Variants in SELENOI observed in about 807,000 individuals in gnomAD.
SELENOI encodes the protein selenoprotein I.
In SELENOI, 24 loss-of-function variants were observed where a neutral mutation model predicts 50.7. That is an observed-to-expected ratio of 0.47 (90% confidence interval 0.34 to 0.67). The LOEUF (loss-of-function observed/expected upper bound fraction) is 0.67, where lower values mean the gene tolerates loss of function less well. SELENOI is among the 30% of genes least tolerant of loss of function. SELENOI has a pLI of 0.01. For missense variants in SELENOI, 352 were observed against 461.4 expected (o/e 0.76, Z 2.17); for synonymous variants, 155 against 170.2 (o/e 0.91, Z 0.70).
intron 7 of SELENOI, 90 bp downstream of exon 7, chr2:26,383,437 C>T (rs1677751947): frequency 1.1e-6 from 1 of 931,500 alleles, no homozygotes. Flanking sequence ...CTTTTGGAGT[C>T]AGGACATTTT....
chr2:26,364,222 T>A (rs1677241593), intron 1 of SELENOI, 80 bp from the exon 2 acceptor site: 1 of 1,076,174 alleles, frequency 9.3e-7, no homozygotes, highest in Admixed American at 2.1e-5. Context: ...GGCTTTACTA[T>A]TATTTTCACC....
chr2:26,347,833 A>C (rs953213034), intron 1 of SELENOI, among the ~76,000 whole-genome samples: 1 of 152,214 alleles, frequency 6.6e-6, no homozygotes, highest in African/African-American at 2.4e-5. Flanking sequence ...TTTTCAACTA[A>C]ATAAGTGTCT....
chr2:26,348,996 C>CTTTTTTTTTTTTTTT (rs869073468), intron 1 of SELENOI, among the ~76,000 whole-genome samples: 1 of 57,722 alleles, frequency 1.7e-5, no homozygotes, highest in Non-Finnish European at 3.6e-5. Flanking sequence ...TTTGGACAGG[C>CTTTTTTTTTTTTTTT]TTTTTTTTTT....
chr2:26,382,250 A>G (rs1473602968), intron 6 of SELENOI, among the ~76,000 whole-genome samples: 1 of 152,230 alleles, frequency 6.6e-6, no homozygotes, highest in Non-Finnish European at 1.5e-5. Context: ...AGAGAGTATA[A>G]GTACGGTGGG....
At chr2:26,385,966 T>C (rs986045319) in intron 8 of SELENOI, among the ~76,000 whole-genome samples, 6 of 152,202 alleles carry the variant, frequency 3.9e-5, no homozygotes, top group Non-Finnish European at 5.9e-5. Context: ...AGATAGCACT[T>C]CTTCATCATT....
chr2:26,370,384 A>G (rs1275007688), intron 4 of SELENOI, among the ~76,000 whole-genome samples: 1 of 151,586 alleles, frequency 6.6e-6, no homozygotes, highest in African/African-American at 2.4e-5. Flanking sequence ...CACACCTCCC[A>G]GACGGGGTGG....
At chr2:26,386,728 A>G (rs894336499) in intron 9 of SELENOI, among the ~76,000 whole-genome samples, 192 bp downstream of exon 9, 13 of 152,200 alleles carry the variant, frequency 8.5e-5, no homozygotes, top group African/African-American at 2.9e-4. Flanking sequence ...TGTTTCTCTA[A>G]TGAGTATGTT....
At position 26,393,623 on chromosome 2, in the gene SELENOI, G is replaced by T. The variant is rs1041521498; in HGVS notation, c.*4520G>T. ...AATCCACTTGGACTGCAGCAGGATT[G>T]TTCTGGTCTTCCACAGACCATTCAC... On this transcript the variant is annotated 3_prime_UTR_variant, in exon 10 of 10. Transcript: ENST00000260585. 1 of 152,220 alleles carries T rather than the reference G, an allele frequency of 6.6e-6. No individual in the cohort carries two copies. Among genetic ancestry groups the T allele is most frequent in the Non-Finnish European group, 1.5e-5 (1 of 68,048 alleles). The allele number at this position is 152,220 out of a possible 1,614,324, so 9.4% of individuals were successfully genotyped here. A position where few individuals can be genotyped will look rare whatever the true frequency, so the allele number is the denominator to read the frequency against.
intron 6 of SELENOI, among the ~76,000 whole-genome samples, chr2:26,382,359 A>G (rs376373399): frequency 2.0e-5 from 3 of 152,360 alleles, no homozygotes; most frequent in African/African-American, 7.2e-5. Flanking sequence ...ATGGCATCAC[A>G]AAGGCAAAGG....
In SELENOI at chr2:26,381,198, C is replaced by CTTTTTTTTTTTTTTTTTTT. The variant is rs57102834; in HGVS notation, c.683-2088_683-2070dup. ...TGGATTGTATCTCCTTCAGTTTGGT[C>CTTTTTTTTTTTTTTTTTTT]TTTTTTTTTTTTTTTTTTTTTTTTT... is the stretch of plus-strand genomic sequence containing the variant. On this transcript the variant is annotated intron_variant, in intron 6 of 9. Transcript: ENST00000260585. 8.9e-4 allele frequency among the ~76,000 whole-genome samples: 27 copies of CTTTTTTTTTTTTTTTTTTT among 30,198 alleles called. 5 individuals are homozygous for CTTTTTTTTTTTTTTTTTTT. The highest frequency in any genetic ancestry group is 3.2e-3 in the East Asian group (3 of 928). 19.8% of individuals were successfully genotyped at this position (30,198 alleles called of 152,430 possible). A position where few individuals can be genotyped will look rare whatever the true frequency, so the allele number is the denominator to read the frequency against.
intron 6 of SELENOI, among the ~76,000 whole-genome samples, chr2:26,380,281 C>A (rs951748988): frequency 1.3e-5 from 2 of 152,114 alleles, no homozygotes; most frequent in Non-Finnish European, 2.9e-5. Flanking sequence ...TATGGCTTAT[C>A]TTTTCATTGT....
At chr2:26,378,718 A>G (rs1173283700) in intron 6 of SELENOI, among the ~76,000 whole-genome samples, 2 of 145,056 alleles carry the variant, frequency 1.4e-5, no homozygotes, top group Non-Finnish European at 3.1e-5. Flanking sequence ...AGTACCTTCA[A>G]GTAGTTGTTT....
intron 1 of SELENOI, among the ~76,000 whole-genome samples, chr2:26,354,582 G>A (rs892991927): frequency 2.6e-5 from 4 of 151,468 alleles, no homozygotes; most frequent in African/African-American, 9.7e-5. Flanking sequence ...TAGTAGAGAC[G>A]GGGTTTCACC....
At chr2:26,376,946 T>A (rs1434140878) in intron 6 of SELENOI, among the ~76,000 whole-genome samples, 2 of 152,256 alleles carry the variant, frequency 1.3e-5, no homozygotes, top group African/African-American at 4.8e-5. Flanking sequence ...TCTCTTTTTA[T>A]CTTTGGCTTT....
At chr2:26,380,837 T>C (rs1363194345) in intron 6 of SELENOI, among the ~76,000 whole-genome samples, 2 of 152,196 alleles carry the variant, frequency 1.3e-5, no homozygotes, top group Non-Finnish European at 2.9e-5. Context: ...TAAGAAATGA[T>C]GTGTCTGTAC....
chr2:26,383,213 CT>C, intron 6 of SELENOI, 85 bp from the exon 7 acceptor site: 1 of 908,542 alleles, frequency 1.1e-6, no homozygotes. Context: ...TTTTTGGGGT[CT>C]AAAAAAATTT....
At chr2:26,362,778 A>T (rs1363265425) in intron 1 of SELENOI, among the ~76,000 whole-genome samples, 1 of 151,958 alleles carries the variant, frequency 6.6e-6, no homozygotes, top group East Asian at 1.9e-4. Flanking sequence ...AAAAAGAAAA[A>T]CTTTTTCAAG....
chr2:26,357,437 T>A (rs2147946261), intron 1 of SELENOI, among the ~76,000 whole-genome samples: 1 of 152,350 alleles, frequency 6.6e-6, no homozygotes, highest in South Asian at 2.1e-4. Flanking sequence ...CTCCTAAGGC[T>A]GCCATAAAAA....
At chr2:26,378,108 T>A (rs1677606424) in intron 6 of SELENOI, among the ~76,000 whole-genome samples, 1 of 152,184 alleles carries the variant, frequency 6.6e-6, no homozygotes, top group East Asian at 1.9e-4. Context: ...TGTGTCTGTG[T>A]AGTTTAGTGG....
Sources: allele counts gnomAD v4.1 joint callset (sites outside exome capture counted in the v4.1 genomes callset), GRCh38; gene constraint gnomAD v4.1.1; transcripts MANE v1.5; gene names NCBI Gene and HGNC (gene_info 2026-07-23, HGNC 2026-07-21).